The following RP1 variants were observed in gnomAD, a reference collection of about 807,000 sequenced individuals.
RP1 encodes oxygen-regulated protein 1.
RP1 carries 16 observed loss-of-function variants against 14.8 expected under a neutral mutation model. The observed-to-expected ratio is 1.08, with a 90% CI of 0.73 to 1.65. The LOEUF (loss-of-function observed/expected upper bound fraction) is 1.65. Ranked by LOEUF, RP1 falls within the 40% of genes most tolerant of loss-of-function variation. RP1 has a pLI of 0.00. For synonymous variants in RP1, 876 were observed against 883.6 expected, an observed-to-expected ratio of 0.99 and a Z score of 0.15; for missense variants, 2,631 against 2,535.0, an observed-to-expected ratio of 1.04 and a Z score of -0.81.
downstream of RP1, among the ~76,000 whole-genome samples, chr8:54,773,083 G>A (rs185292534): frequency 1.3e-5 from 2 of 152,110 alleles, no homozygotes; most frequent in East Asian, 3.9e-4. Flanking sequence ...AAAGTCTCAG[G>A]TCCAGTTCCC....
intron 27 of RP1, chr8:54,865,709 G>A (rs1219390324): frequency 7.6e-6 from 3 of 396,750 alleles, no homozygotes; most frequent in African/African-American, 4.1e-5. Flanking sequence ...TAATTTGCAT[G>A]TGCATATTTT....
chr8:54,715,169 CAG>C (rs747581254), intron 15 of RP1, among the ~76,000 whole-genome samples: 14 of 152,240 alleles, frequency 9.2e-5, no homozygotes, highest in Non-Finnish European at 1.9e-4. Context: ...TCTACTGCAA[CAG>C]AGCCAAATAG....
intron 28 of RP1, among the ~76,000 whole-genome samples, chr8:54,866,300 C>A (rs1023962094): frequency 6.6e-6 from 1 of 152,140 alleles, no homozygotes. Context: ...ATACCTGCTT[C>A]CCCTAGTTCA....
At chr8:54,633,165 G>T (rs1360739465), downstream of RP1, among the ~76,000 whole-genome samples, 1 of 152,118 alleles carries the variant, frequency 6.6e-6, no homozygotes, top group Non-Finnish European at 1.5e-5. Flanking sequence ...AAACCCGGAA[G>T]AAGCAGCAGT....
intron 7 of RP1, among the ~76,000 whole-genome samples, chr8:54,671,213 G>A (rs570231520): frequency 1.3e-5 from 2 of 152,026 alleles, no homozygotes; most frequent in East Asian, 1.9e-4. Context: ...TAATTTTATA[G>A]AATCTCCTTC....
downstream of RP1, among the ~76,000 whole-genome samples, chr8:54,774,866 A>G (rs1311401362): frequency 1.3e-5 from 2 of 152,222 alleles, no homozygotes; most frequent in Admixed American, 6.5e-5. Flanking sequence ...TACAGAAAGC[A>G]TAGAAGGGTT....
intron 15 of RP1, among the ~76,000 whole-genome samples, chr8:54,709,979 G>A (rs1194314137): frequency 1.3e-5 from 2 of 152,178 alleles, no homozygotes; most frequent in African/African-American, 2.4e-5. Flanking sequence ...GGTCCAAGAT[G>A]TGGATGAGGT....
chr8:54,728,897 A>G (rs567785313), intron 17 of RP1, among the ~76,000 whole-genome samples: 3 of 152,302 alleles, frequency 2.0e-5, no homozygotes, highest in African/African-American at 7.2e-5. Flanking sequence ...AACAATGATC[A>G]ACATAGACGT....
At chr8:54,671,761 C>T (rs1807187313) in intron 7 of RP1, among the ~76,000 whole-genome samples, 1 of 151,990 alleles carries the variant, frequency 6.6e-6, no homozygotes, top group African/African-American at 2.4e-5. Context: ...TATTCTTTTT[C>T]ACTCATTTAG....
exon 29 of RP1, chr8:54,869,905 C>G (rs1812548443): frequency 8.1e-7 from 1 of 1,231,776 alleles, no homozygotes; most frequent in Non-Finnish European, 1.0e-6. Context: ...GAAAGTAGTC[C>G]CAGTGCAGTA....
chr8:54,767,428 C>T (rs1809788626), intron 22 of RP1, among the ~76,000 whole-genome samples: 1 of 151,078 alleles, frequency 6.6e-6, no homozygotes, highest in Non-Finnish European at 1.5e-5. Flanking sequence ...GGAGCGATCT[C>T]AGCCTACTGC....
intron 24 of RP1, among the ~76,000 whole-genome samples, chr8:54,784,173 T>C (rs1310774970): frequency 2.0e-5 from 3 of 152,154 alleles, no homozygotes; most frequent in Non-Finnish European, 4.4e-5. Flanking sequence ...ATTCAATTGC[T>C]GACTTTGCCA....
chr8:54,642,429 T>A (rs969064732), intron 3 of RP1, among the ~76,000 whole-genome samples: 2 of 152,144 alleles, frequency 1.3e-5, no homozygotes, highest in Admixed American at 1.3e-4. Flanking sequence ...TAAACTTTAT[T>A]TATAAAGGTA....
intron 23 of RP1, among the ~76,000 whole-genome samples, chr8:54,782,418 T>G (rs956979427): frequency 3.9e-5 from 6 of 152,180 alleles, no homozygotes; most frequent in Non-Finnish European, 7.3e-5. Flanking sequence ...ATTGTGTTTT[T>G]AAAAGAAAAT....
intron 1 of RP1, among the ~76,000 whole-genome samples, chr8:54,604,777 G>C (rs549515242): frequency 6.6e-6 from 1 of 152,326 alleles, no homozygotes; most frequent in East Asian, 1.9e-4. Context: ...GAGGGTGTAT[G>C]TGTTGCGGAA....
chr8:54,626,389 C>A lies in RP1; in HGVS notation c.2507C>A (p.Pro836Gln), dbSNP rs755745244. 1.2e-6 allele frequency: 2 copies of A among 1,612,846 alleles called. No individual in the cohort carries two copies. Among genetic ancestry groups the A allele is most frequent in the African/African-American group, 2.7e-5 (2 of 74,614 alleles). ...CAAAAACCCAAAGATTTTTATGCACCGCAATCTCAAGCAGAAGTGGCATCT... is the reference window on the plus strand; with the variant it reads ...CAAAAACCCAAAGATTTTTATGCACAGCAATCTCAAGCAGAAGTGGCATCT... ...LEQKPKDFYA[P>Q]QSQAEVASGY... The change falls in exon 4 of 4, where the codon CCG (proline) becomes CAG (glutamine). Residue 836 changes from proline to glutamine, a missense_variant. By Grantham distance (76) the Pro-to-Gln change is moderately conservative. Transcript: ENST00000220676.
chr8:54,652,706 A>G (rs1228479929), intron 4 of RP1: 2 of 961,186 alleles, frequency 2.1e-6, no homozygotes, highest in Admixed American at 4.0e-5. Flanking sequence ...TCAACATTTC[A>G]TGTCCTAATC....
At chr8:54,575,410 G>A (rs1804619773) in intron 1 of RP1, among the ~76,000 whole-genome samples, 1 of 151,628 alleles carries the variant, frequency 6.6e-6, no homozygotes, top group Admixed American at 6.6e-5. Flanking sequence ...TTTAGTTTTT[G>A]TGGGTACATG....
chr8:54,575,341 A>C (rs1026890050), intron 1 of RP1, among the ~76,000 whole-genome samples: 19 of 152,342 alleles, frequency 1.2e-4, no homozygotes, highest in African/African-American at 4.6e-4. Flanking sequence ...GCACTTGATA[A>C]CTGGAAGAAC....
Sources: gnomAD v4.1 joint callset for allele counts (sites outside exome capture counted in the v4.1 genomes callset) on GRCh38, gnomAD v4.1.1 for gene constraint, MANE v1.5 for transcripts, NCBI Gene and HGNC (gene_info 2026-07-23, HGNC 2026-07-21) for gene names.